DYNC2H1: variants seen among roughly 807,000 people sequenced by gnomAD.
DYNC2H1 encodes cytoplasmic dynein 2 heavy chain 1.
In DYNC2H1, 410 loss-of-function variants were observed where a neutral mutation model predicts 570.0. The ratio of observed to expected loss-of-function variants is 0.72; its 90% confidence interval spans 0.66 to 0.78. The LOEUF is 0.78. Ranked by LOEUF, DYNC2H1 falls within the 30% of genes least tolerant of loss-of-function variation. DYNC2H1 has a pLI of 0.00. For synonymous variants in DYNC2H1, 1,688 were observed against 1,677.6 expected, an observed-to-expected ratio of 1.01 and a Z score of -0.15; for missense variants, 4,865 against 5,046.4, an observed-to-expected ratio of 0.96 and a Z score of 1.09.
intron 73 of DYNC2H1, among the ~76,000 whole-genome samples, chr11:103,284,580 G>A (rs1004064857): frequency 2.6e-5 from 4 of 152,120 alleles, no homozygotes; most frequent in Admixed American, 2.0e-4. Context: ...TATACTAAAT[G>A]TCAATAAAGT....
intron 83 of DYNC2H1, among the ~76,000 whole-genome samples, chr11:103,361,953 C>G (rs1387606479): frequency 6.6e-6 from 1 of 152,082 alleles, no homozygotes; most frequent in Admixed American, 6.6e-5. Flanking sequence ...CACTGGTGAC[C>G]TTGACAAGTA....
chr11:103,183,912 GA>G (rs1861958652), intron 40 of DYNC2H1, among the ~76,000 whole-genome samples: 1 of 151,882 alleles, frequency 6.6e-6, no homozygotes, highest in African/African-American at 2.4e-5. Context: ...TAAAGACAAG[GA>G]AAATAAGGAT....
At chr11:103,462,589 A>C (rs1945054399) in intron 87 of DYNC2H1, among the ~76,000 whole-genome samples, 1 of 152,226 alleles carries the variant, frequency 6.6e-6, no homozygotes. Context: ...AAGAGGCTTC[A>C]ATTAGGTCTA....
intron 83 of DYNC2H1, among the ~76,000 whole-genome samples, chr11:103,386,638 T>C (rs529038866): frequency 6.6e-6 from 1 of 152,330 alleles, no homozygotes; most frequent in South Asian, 2.1e-4. Flanking sequence ...CTCCTAATGC[T>C]ATCCCTCCAC....
chr11:103,382,224 A>G (rs1941678336), intron 83 of DYNC2H1, among the ~76,000 whole-genome samples: 1 of 152,168 alleles, frequency 6.6e-6, no homozygotes, highest in African/African-American at 2.4e-5. Context: ...TAAATTACCT[A>G]TATGATAAGA....
rs959711657 is a variant in DYNC2H1 at position 103,479,736 on chromosome 11, C to T, written c.*483C>T. ...ATTATACTATGCTAATTATAATATA[C>T]AAATATATAATTATTGTCATAATTA... On this transcript the variant is annotated 3_prime_UTR_variant, in exon 89 of 89. Transcript: ENST00000375735. The T allele has an allele frequency of 4.6e-5, 7 of 151,576 alleles. No individual in the cohort carries two copies. Among genetic ancestry groups the T allele is most frequent in the African/African-American group, 1.7e-4 (7 of 41,262 alleles). The allele number at this position is 151,576 out of a possible 1,614,324, so 9.4% of individuals were successfully genotyped here.
chr11:103,251,410 A>G (rs1408770643), intron 65 of DYNC2H1, among the ~76,000 whole-genome samples: 1 of 152,092 alleles, frequency 6.6e-6, no homozygotes, highest in Non-Finnish European at 1.5e-5. Flanking sequence ...TTTTTTAAAA[A>G]ATATTTTATT....
Position 103,305,545 on chromosome 11 carries a change from C to A in DYNC2H1, c.11382+825C>A, listed in dbSNP as rs968273251. ...TGGGACTTAGAGGGCCAAAGGAGGT[C>A]CTTAACAGAGAAGTTAGTAATTAAT... is the stretch of plus-strand genomic sequence containing the variant. On this transcript the variant is annotated intron_variant, in intron 77 of 88. Coordinates refer to ENST00000375735, the MANE Select transcript of DYNC2H1 (RefSeq NM_001377.3). The surrounding 1 kb of genome is among the most constrained non-coding windows in gnomAD (Gnocchi z 4.3). 6.6e-6 allele frequency among the ~76,000 whole-genome samples: 1 copy of A among 152,024 alleles called. No individual in the cohort carries two copies. The highest frequency in any genetic ancestry group is 1.5e-5 in the Non-Finnish European group (1 of 68,014).
At chr11:103,198,203 C>A in intron 48 of DYNC2H1, 140 bp downstream of exon 48, 1 of 982,390 alleles carries the variant, frequency 1.0e-6, no homozygotes, top group Non-Finnish European at 1.5e-6. Flanking sequence ...GAATTTAGTC[C>A]ATTGTGGCGG....
At chr11:103,248,919 A>C (rs989857833) in intron 65 of DYNC2H1, among the ~76,000 whole-genome samples, 1 of 152,012 alleles carries the variant, frequency 6.6e-6, no homozygotes, top group Non-Finnish European at 1.5e-5. Flanking sequence ...TCCAAGCCTT[A>C]TGTTGGTTCA....
chr11:103,453,370 A>G (rs1944674811), intron 85 of DYNC2H1, among the ~76,000 whole-genome samples: 1 of 151,998 alleles, frequency 6.6e-6, no homozygotes. Context: ...AGAGAAAAAA[A>G]TATGCTTATC....
intron 80 of DYNC2H1, among the ~76,000 whole-genome samples, chr11:103,318,305 C>T (rs1212130790): frequency 6.6e-6 from 1 of 152,114 alleles, no homozygotes; most frequent in African/African-American, 2.4e-5. Flanking sequence ...CCTCTACCAT[C>T]CCCTAACTTT....
chr11:103,159,562 G>A (rs969802986), intron 28 of DYNC2H1, among the ~76,000 whole-genome samples: 2 of 151,986 alleles, frequency 1.3e-5, no homozygotes, highest in African/African-American at 4.8e-5. Context: ...ATTACTTGGG[G>A]GAAAACTGTA....
intron 30 of DYNC2H1, among the ~76,000 whole-genome samples, chr11:103,164,666 A>C (rs1861226535): frequency 6.6e-6 from 1 of 152,190 alleles, no homozygotes; most frequent in Non-Finnish European, 1.5e-5. Flanking sequence ...TACGTTATCA[A>C]GTCATTTTGA....
intron 7 of DYNC2H1, 24 bp downstream of exon 7, chr11:103,120,605 C>A (rs1858654522): frequency 1.2e-6 from 2 of 1,602,078 alleles, no homozygotes; most frequent in Non-Finnish European, 1.7e-6. Context: ...TTGTTTATGT[C>A]TGTACAGTTT....
At chr11:103,161,173 A>G in intron 29 of DYNC2H1, 129 bp downstream of exon 29, 1 of 459,724 alleles carries the variant, frequency 2.2e-6, no homozygotes, top group Non-Finnish European at 3.9e-6. Context: ...CTCAGCTCAT[A>G]TCTTAAAAAT....
chr11:103,251,425 A>G (rs1045204874), intron 65 of DYNC2H1, among the ~76,000 whole-genome samples: 1 of 152,120 alleles, frequency 6.6e-6, no homozygotes, highest in Non-Finnish European at 1.5e-5. Context: ...TTTATTGTGC[A>G]TATTTAAGAT....
Position 103,245,308 on chromosome 11 carries a change from A to G in DYNC2H1, c.9976A>G (p.Ile3326Val), listed in dbSNP as rs776266103. ...AGTACGTTTTGGGAAAACCCTTATT[A>G]TACAAGAGATGGATGGTGTAGAACC... ...LAVRFGKTLI[I>V]QEMDGVEPVL... The change falls in exon 65 of 89, where the codon ATA (isoleucine) becomes GTA (valine). Residue 3326 changes from isoleucine (I) to valine (V), a missense_variant. This residue lies in a region of DYNC2H1 where 2,401 missense variants were observed against 2,454.6 expected (regional missense o/e 0.98). Coordinates refer to ENST00000375735, the MANE Select transcript of DYNC2H1 (RefSeq NM_001377.3). The surrounding 1 kb of genome is among the most constrained non-coding windows in gnomAD (Gnocchi z 4.5). 6.4e-7 allele frequency: 1 copy of G among 1,565,276 alleles called. No homozygotes were observed. Among genetic ancestry groups the G allele is most frequent in the Non-Finnish European group, 8.7e-7 (1 of 1,153,758 alleles).
At chr11:103,171,893 TA>T (rs1861589589) in intron 34 of DYNC2H1, among the ~76,000 whole-genome samples, 2 of 152,190 alleles carry the variant, frequency 1.3e-5, no homozygotes, top group African/African-American at 4.8e-5. Context: ...ATATGAATGT[TA>T]AAACAACAAA....
Sources: allele counts gnomAD v4.1 joint callset (sites outside exome capture counted in the v4.1 genomes callset), GRCh38; gene constraint gnomAD v4.1.1; regional missense constraint gnomAD v4.1.1; non-coding constraint Gnocchi (gnomAD v3.1); transcripts MANE v1.5; gene names NCBI Gene and HGNC (gene_info 2026-07-23, HGNC 2026-07-21).